EPS15L1: variants seen among roughly 807,000 people sequenced by gnomAD.
The protein encoded by EPS15L1 is epidermal growth factor receptor pathway substrate 15 like 1, also known as epidermal growth factor receptor substrate 15-like 1.
EPS15L1 carries 43 observed loss-of-function variants against 117.1 expected under a neutral mutation model. The observed-to-expected ratio is 0.37, with a 90% CI of 0.29 to 0.47. The LOEUF (loss-of-function observed/expected upper bound fraction) is 0.47. Ranked by LOEUF, EPS15L1 falls within the 20% of genes least tolerant of loss-of-function variation. The pLI is 0.99. For synonymous variants in EPS15L1, 459 were observed against 470.5 expected (o/e 0.98, Z 0.32); for missense variants, 981 against 1,164.0 (o/e 0.84, Z 2.29).
intron 13 of EPS15L1, among the ~76,000 whole-genome samples, chr19:16,410,781 T>C (rs1419518266): frequency 1.3e-5 from 2 of 151,952 alleles, no homozygotes; most frequent in Non-Finnish European, 2.9e-5. Context: ...AGCATGGTGG[T>C]GCATGCCTGT....
In EPS15L1 at chr19:16,365,193, C is replaced by T. The variant is rs77732836; in HGVS notation, c.2381-3209G>A. ...TGGGGCTGGGAGTGGCCCTGGAAGA[C>T]GGTGTGGGGCATGGCGGCCACCCCC... On this transcript the variant is annotated intron_variant, in intron 22 of 23. Coordinates refer to ENST00000455140, the MANE Select transcript of EPS15L1 (RefSeq NM_001258374.3). The surrounding 1 kb of genome is among the most constrained non-coding windows in gnomAD (Gnocchi z 4.9). 0.024 allele frequency among the ~76,000 whole-genome samples: 3,716 copies of T among 152,308 alleles called. 121 individuals carry two copies. The highest frequency in any genetic ancestry group is 0.085 in the Admixed American group (1,303 of 15,298).
At chr19:16,372,128 C>G (rs545725198) in intron 22 of EPS15L1, among the ~76,000 whole-genome samples, 1 of 152,324 alleles carries the variant, frequency 6.6e-6, no homozygotes, top group Non-Finnish European at 1.5e-5. Context: ...CCAGAGTGCA[C>G]TTTCTGGCTT....
chr19:16,467,218 G>A (rs2093312854), intron 1 of EPS15L1, among the ~76,000 whole-genome samples: 1 of 150,510 alleles, frequency 6.6e-6, no homozygotes, highest in South Asian at 2.1e-4. Flanking sequence ...GAGTGATCTT[G>A]GCTCACTGCA....
intron 3 of EPS15L1, 85 bp from the exon 4 acceptor site, chr19:16,440,994 C>T (rs1253717860): frequency 2.3e-6 from 3 of 1,329,034 alleles, no homozygotes; most frequent in East Asian, 4.6e-5. Context: ...ACCACCCCAT[C>T]ACTGGCCTTG....
At chr19:16,382,147 TG>T (rs2092370122) in intron 21 of EPS15L1, among the ~76,000 whole-genome samples, 1 of 152,144 alleles carries the variant, frequency 6.6e-6, no homozygotes, top group Non-Finnish European at 1.5e-5. Flanking sequence ...CTCCCATGTG[TG>T]TTTAAACCCA....
intron 22 of EPS15L1, among the ~76,000 whole-genome samples, chr19:16,376,612 G>C (rs1016411444): frequency 1.3e-5 from 2 of 152,162 alleles, no homozygotes; most frequent in Non-Finnish European, 1.5e-5. Context: ...ACAATCTCCC[G>C]CTCCCTCCAC....
intron 4 of EPS15L1, among the ~76,000 whole-genome samples, chr19:16,438,425 C>T (rs2092997610): frequency 6.6e-6 from 1 of 152,132 alleles, no homozygotes; most frequent in African/African-American, 2.4e-5. Flanking sequence ...ATTTCAGATG[C>T]ATATATTTTC....
intron 13 of EPS15L1, among the ~76,000 whole-genome samples, chr19:16,411,834 G>A (rs1382277338): frequency 6.6e-6 from 1 of 151,980 alleles, no homozygotes; most frequent in African/African-American, 2.4e-5. Flanking sequence ...TGAGTAACTG[G>A]GACTACAGAC....
intron 12 of EPS15L1, among the ~76,000 whole-genome samples, chr19:16,415,674 C>T (rs1016883307): frequency 6.6e-6 from 1 of 152,244 alleles, no homozygotes; most frequent in Non-Finnish European, 1.5e-5. Flanking sequence ...CAAGGGGCCA[C>T]TGCAGGCCCC....
At chr19:16,356,573 G>GT (rs2091983373) in intron 23 of EPS15L1, 1 of 152,152 alleles carries the variant, frequency 6.6e-6, no homozygotes, top group South Asian at 2.1e-4. Flanking sequence ...GCCTCCCAAA[G>GT]TGCTGGGATT....
intron 20 of EPS15L1, among the ~76,000 whole-genome samples, chr19:16,385,708 C>A (rs1321533192): frequency 6.6e-6 from 1 of 152,098 alleles, no homozygotes; most frequent in Non-Finnish European, 1.5e-5. Context: ...GGGGCCTGTT[C>A]CCAAAAGAAA....
intron 1 of EPS15L1, among the ~76,000 whole-genome samples, chr19:16,457,662 C>T (rs573656644): frequency 2.6e-5 from 4 of 152,212 alleles, no homozygotes; most frequent in African/African-American, 9.6e-5. Flanking sequence ...GAACAGATTC[C>T]AGCCCTCCCT....
At chr19:16,391,485 A>C (rs1455499013) in intron 19 of EPS15L1, among the ~76,000 whole-genome samples, 3 of 152,192 alleles carry the variant, frequency 2.0e-5, no homozygotes, top group African/African-American at 4.8e-5. Flanking sequence ...GCGCCAGGGT[A>C]GCAGGAGCCC....
intron 22 of EPS15L1, among the ~76,000 whole-genome samples, chr19:16,362,508 GTTCTTTTTTT>G (rs1330540841): frequency 1.9e-5 from 2 of 106,532 alleles, no homozygotes; most frequent in Admixed American, 2.0e-4. Flanking sequence ...TGAGGTTTAA[GTTCTTTTTTT>G]TTTTTTTTTT....
intron 1 of EPS15L1, among the ~76,000 whole-genome samples, chr19:16,461,684 G>A (rs1289276111): frequency 6.6e-6 from 1 of 152,162 alleles, no homozygotes; most frequent in Non-Finnish European, 1.5e-5. Flanking sequence ...AATGACAGAG[G>A]CACACTTGTT....
rs575864755 is a variant in EPS15L1 at position 16,469,232 on chromosome 19, G to C, written c.33+2681C>G. On this transcript the variant is annotated intron_variant, in intron 1 of 23. Transcript: ENST00000455140. ...CTGCACAGAAGCTCCAGGGGAGGGA[G>C]CGCACAGAGAGATAAGATGCAGGTA... 3.9e-5 allele frequency among the ~76,000 whole-genome samples: 6 copies of C among 152,218 alleles called. 1 individual carries two copies. In the South Asian group the frequency reaches 1.0e-3, roughly 26 times the overall value.
Position 16,405,522 on chromosome 19 carries a change from G to A in EPS15L1, c.1267-773C>T, listed in dbSNP as rs1053149846. 2.3e-4 allele frequency among the ~76,000 whole-genome samples: 35 copies of A among 152,220 alleles called. No individual in the cohort carries two copies. Among genetic ancestry groups the A allele is most frequent in the African/African-American group, 8.4e-4 (35 of 41,456 alleles). On this transcript the variant is annotated intron_variant, in intron 13 of 23. Coordinates refer to ENST00000455140, the MANE Select transcript of EPS15L1 (RefSeq NM_001258374.3). This position sits in a 1 kb window ranked among gnomAD's most constrained non-coding sequence, Gnocchi z 4.0. ...GAAAAGCATCCTGGAAGCATACAGCGTGTGCAGAGGTATACAACGTCTATG... is the reference window on the plus strand; with the variant it reads ...GAAAAGCATCCTGGAAGCATACAGCATGTGCAGAGGTATACAACGTCTATG...
intron 21 of EPS15L1, among the ~76,000 whole-genome samples, chr19:16,380,315 C>T (rs115165567): frequency 0.012 from 1,800 of 152,186 alleles, 35 homozygotes; most frequent in African/African-American, 0.042. Context: ...AAGGCTCTGG[C>T]GTCTAATCAC....
At chr19:16,464,921 T>C (rs2093288553) in intron 1 of EPS15L1, among the ~76,000 whole-genome samples, 1 of 151,864 alleles carries the variant, frequency 6.6e-6, no homozygotes, top group Admixed American at 6.6e-5. Context: ...CTACTAAAAA[T>C]ACAAAAAATT....
Sources: gnomAD v4.1 joint callset for allele counts (sites outside exome capture counted in the v4.1 genomes callset) on GRCh38, gnomAD v4.1.1 for gene constraint, Gnocchi (gnomAD v3.1) non-coding constraint, MANE v1.5 for transcripts, NCBI Gene and HGNC (gene_info 2026-07-23, HGNC 2026-07-21) for gene names.